The following HS3ST5 variants were observed in gnomAD, a reference collection of about 807,000 sequenced individuals.
The protein encoded by HS3ST5 is heparan sulfate-glucosamine 3-sulfotransferase 5, also known as heparan sulfate glucosamine 3-O-sulfotransferase 5.
In HS3ST5, 10 loss-of-function variants were observed where a neutral mutation model predicts 25.4. The observed-to-expected ratio is 0.39, with a 90% CI of 0.24 to 0.67. The LOEUF is 0.67. HS3ST5 is among the 30% of genes least tolerant of loss of function. HS3ST5 has a pLI of 0.44. For missense variants in HS3ST5, 324 were observed against 420.7 expected (o/e 0.77, Z 2.01); for synonymous variants, 170 against 162.4 (o/e 1.05, Z -0.36).
chr6:114,324,865 G>A (rs577980992), intron 1 of HS3ST5, among the ~76,000 whole-genome samples: 16 of 152,244 alleles, frequency 1.1e-4, no homozygotes, highest in East Asian at 1.9e-4. Flanking sequence ...TTCCAATTGC[G>A]GATAACGTGT....
chr6:114,143,745 T>C (rs1442627066), intron 3 of HS3ST5: 1 of 152,248 alleles, frequency 6.6e-6, no homozygotes. Context: ...ACAAGCCCAG[T>C]CCAAAACTAC....
chr6:114,140,981 C>T (rs968430409), intron 3 of HS3ST5, among the ~76,000 whole-genome samples: 1 of 152,092 alleles, frequency 6.6e-6, no homozygotes, highest in African/African-American at 2.4e-5. Context: ...GAAACAATGC[C>T]TGTAACAAAT....
chr6:114,240,825 T>C (rs1000909781), intron 1 of HS3ST5, among the ~76,000 whole-genome samples: 1 of 152,210 alleles, frequency 6.6e-6, no homozygotes, highest in Non-Finnish European at 1.5e-5. Flanking sequence ...AACTGTTTGC[T>C]ATTTAGATGT....
rs192575727 is a variant in HS3ST5, at chr6:114,123,156, T to C, written c.-33+45195A>G. Among the ~76,000 whole-genome samples the C allele has an allele frequency of 7.9e-5, 12 of 152,302 alleles. No homozygotes were observed. In the East Asian group the frequency reaches 2.3e-3, roughly 29 times the overall value. ...TTAGTAGAGACGGGGTTTCTCCATG[T>C]TGGTCAGGCTGGTCTAAAACTCCCA... On this transcript the variant is annotated intron_variant, in intron 3 of 4. Coordinates refer to ENST00000312719, the MANE Select transcript of HS3ST5 (RefSeq NM_153612.4).
At chr6:114,139,571 GACA>G (rs1777804063) in intron 3 of HS3ST5, among the ~76,000 whole-genome samples, 1 of 152,022 alleles carries the variant, frequency 6.6e-6, no homozygotes, top group African/African-American at 2.4e-5. Context: ...GAAGGAAGGA[GACA>G]ACAAGATTCC....
intron 1 of HS3ST5, among the ~76,000 whole-genome samples, chr6:114,298,113 C>G (rs946558345): frequency 6.6e-6 from 1 of 152,008 alleles, no homozygotes; most frequent in East Asian, 1.9e-4. Context: ...GAAATTAAAA[C>G]AAATTAAACA....
At chr6:114,299,012 A>C (rs1382762159) in intron 1 of HS3ST5, among the ~76,000 whole-genome samples, 1 of 152,236 alleles carries the variant, frequency 6.6e-6, no homozygotes, top group African/African-American at 2.4e-5. Context: ...CAAGAGAGAT[A>C]ACCTTAAATT....
chr6:114,323,924 G>A (rs1776070306), intron 1 of HS3ST5, among the ~76,000 whole-genome samples: 1 of 152,126 alleles, frequency 6.6e-6, no homozygotes, highest in Non-Finnish European at 1.5e-5. Context: ...CTGAGTCAGA[G>A]GGTGAGTAGC....
At position 114,312,025 on chromosome 6, in the gene HS3ST5, C is replaced by A. The variant is rs114916573; in HGVS notation, c.-339+30170G>T. ...GTTCTCCATTAGCAGATTCACCTTT[C>A]CAATGAAGTAGAGTTCTACCTAGAG... is the stretch of plus-strand genomic sequence containing the variant. On this transcript the variant is annotated intron_variant, in intron 1 of 4. Coordinates refer to ENST00000312719, the MANE Select transcript of HS3ST5 (RefSeq NM_153612.4). Among the ~76,000 whole-genome samples the A allele has an allele frequency of 8.8e-3, 1,337 of 152,274 alleles. 24 individuals carry two copies. Among genetic ancestry groups the A allele is most frequent in the African/African-American group, 0.031 (1,278 of 41,526 alleles).
chr6:114,264,365 C>T (rs772925454), intron 1 of HS3ST5, among the ~76,000 whole-genome samples: 1 of 152,138 alleles, frequency 6.6e-6, no homozygotes, highest in Non-Finnish European at 1.5e-5. Flanking sequence ...GTATAATCTA[C>T]GTTTTGATAC....
chr6:114,062,281 G>C (rs1296779218), intron 4 of HS3ST5, among the ~76,000 whole-genome samples: 3 of 152,104 alleles, frequency 2.0e-5, no homozygotes, highest in Non-Finnish European at 4.4e-5. Context: ...CATCTTTCCA[G>C]AGCAATGGAT....
chr6:114,263,195 TTAAAA>T (rs1372348667), intron 1 of HS3ST5, among the ~76,000 whole-genome samples: 2 of 152,178 alleles, frequency 1.3e-5, no homozygotes, highest in Non-Finnish European at 2.9e-5. Flanking sequence ...TTAATAATTA[TTAAAA>T]TTAGCATTTT....
At chr6:114,151,166 A>T (rs1778433107) in intron 3 of HS3ST5, among the ~76,000 whole-genome samples, 1 of 152,136 alleles carries the variant, frequency 6.6e-6, no homozygotes, top group Non-Finnish European at 1.5e-5. Flanking sequence ...TTGAGTTAGG[A>T]TTTTTTGGTA....
intron 3 of HS3ST5, among the ~76,000 whole-genome samples, chr6:114,105,078 C>A (rs1775929042): frequency 6.6e-6 from 1 of 151,980 alleles, no homozygotes; most frequent in Non-Finnish European, 1.5e-5. Context: ...CACTGAGTAA[C>A]CAGTGCCTAC....
intron 1 of HS3ST5, among the ~76,000 whole-genome samples, chr6:114,255,166 A>G (rs1024926300): frequency 4.6e-5 from 7 of 152,216 alleles, no homozygotes; most frequent in African/African-American, 1.7e-4. Context: ...AATGGGAGAA[A>G]TTGGCTAAAA....
chr6:114,078,582 A>C (rs996361131), intron 3 of HS3ST5, among the ~76,000 whole-genome samples: 8 of 152,208 alleles, frequency 5.3e-5, no homozygotes, highest in African/African-American at 1.7e-4. Flanking sequence ...TTGGACTTTC[A>C]CAACAAAAAT....
intron 1 of HS3ST5, among the ~76,000 whole-genome samples, chr6:114,238,215 G>A (rs116591448): frequency 0.014 from 2,192 of 152,226 alleles, 55 homozygotes; most frequent in African/African-American, 0.051. Flanking sequence ...TATGTCTATC[G>A]AATTATTGGA....
At chr6:114,225,407 G>T (rs968809472) in intron 2 of HS3ST5, among the ~76,000 whole-genome samples, 1 of 151,798 alleles carries the variant, frequency 6.6e-6, no homozygotes, top group Admixed American at 6.6e-5. Flanking sequence ...AAGCAAGTTA[G>T]ACTTATCATT....
At chr6:114,307,487 A>G (rs1362324418) in intron 1 of HS3ST5, among the ~76,000 whole-genome samples, 1 of 151,860 alleles carries the variant, frequency 6.6e-6, no homozygotes, top group Non-Finnish European at 1.5e-5. Flanking sequence ...GCAATTTCAT[A>G]TAGAAACTAG....
Sources: gnomAD v4.1 joint callset for allele counts (sites outside exome capture counted in the v4.1 genomes callset) on GRCh38, gnomAD v4.1.1 for gene constraint, MANE v1.5 for transcripts, NCBI Gene and HGNC (gene_info 2026-07-23, HGNC 2026-07-21) for gene names.